Variants in RNASE11 observed in about 807,000 individuals in gnomAD.
RNASE11 encodes ribonuclease A family member 11 (inactive).
For synonymous variants in RNASE11, 105 were observed against 86.1 expected (o/e 1.22, Z -1.21); for missense variants, 252 against 237.8 (o/e 1.06, Z -0.39).
exon 2 of RNASE11, chr14:20,584,466 G>A: frequency 1.9e-6 from 3 of 1,591,186 alleles, no homozygotes; most frequent in Non-Finnish European, 1.7e-6. Flanking sequence ...GCAGAGGAAA[G>A]GTCTCCATCT....
intron 1 of RNASE11, among the ~76,000 whole-genome samples, chr14:20,586,103 A>T (rs557344634): frequency 6.6e-6 from 1 of 152,232 alleles, no homozygotes; most frequent in Non-Finnish European, 1.5e-5. Context: ...CACAGTAGGA[A>T]GTCTGATCCC....
At chr14:20,589,522 G>A (rs1413694183), upstream of RNASE11, among the ~76,000 whole-genome samples, 2 of 151,896 alleles carry the variant, frequency 1.3e-5, no homozygotes, top group South Asian at 4.2e-4. Context: ...CAAAGTGGTG[G>A]GATTACAGGC....
chr14:20,590,013 G>A, upstream of RNASE11: 1 of 556,756 alleles, frequency 1.8e-6, no homozygotes, highest in Non-Finnish European at 2.9e-6. Context: ...CTTAATCTCA[G>A]TCCTGTTTCT....
At chr14:20,584,611 A>G (rs1213587471) in intron 1 of RNASE11, 115 bp from the exon 3 acceptor site, 4 of 733,018 alleles carry the variant, frequency 5.5e-6, no homozygotes, top group Non-Finnish European at 8.4e-6. Context: ...AAATTTTTAT[A>G]TCTGTGAATG....
intron 1 of RNASE11, chr14:20,585,173 G>T: frequency 1.3e-6 from 1 of 745,794 alleles, no homozygotes; most frequent in Non-Finnish European, 1.6e-6. Flanking sequence ...AGGGTTGTAT[G>T]AGATTGACTC....
At chr14:20,587,211 A>C (rs1381538969) in intron 1 of RNASE11, among the ~76,000 whole-genome samples, 1 of 152,180 alleles carries the variant, frequency 6.6e-6, no homozygotes. Context: ...ATAGATATAG[A>C]TACACACACA....
At position 20,587,537 on chromosome 14, in the gene RNASE11, C is replaced by T. The variant is rs559597715; in HGVS notation, c.-23+26G>A. Reference sequence around the variant, plus strand: ...AAAAAATGATGCTACCAAGGCCCAACAAATCATGTGCTAGGGACCACCTAC... The same window carrying T: ...AAAAAATGATGCTACCAAGGCCCAATAAATCATGTGCTAGGGACCACCTAC... On this transcript the variant is annotated intron_variant, in intron 1 of 1. Transcript: ENST00000553849. 1.6e-4 allele frequency: 157 copies of T among 984,428 alleles called. 1 individual carries two copies. Among genetic ancestry groups the T allele is most frequent in the Non-Finnish European group, 1.7e-4 (144 of 829,078 alleles). The allele number at this position is 984,428 out of a possible 1,614,324, so 61.0% of individuals were successfully genotyped here. A position where few individuals can be genotyped will look rare whatever the true frequency, so the allele number is the denominator to read the frequency against.
In RNASE11 at chr14:20,587,558, C is replaced by G. The variant is rs1193472513; in HGVS notation, c.-23+5G>C. On this transcript the variant is annotated splice_donor_5th_base_variant and intron_variant, in intron 1 of 1. Coordinates refer to ENST00000553849, the Ensembl canonical transcript of RNASE11. ...CCAACAAATCATGTGCTAGGGACCACCTACCTGTTCCTGTTCAGTTTCTAT... is the reference window on the plus strand; with the variant it reads ...CCAACAAATCATGTGCTAGGGACCAGCTACCTGTTCCTGTTCAGTTTCTAT... 3.0e-6 allele frequency: 3 copies of G among 985,248 alleles called. No homozygotes were observed. The highest frequency in any genetic ancestry group is 2.3e-4 in the East Asian group (2 of 8,828). The allele number at this position is 985,248 out of a possible 1,614,324, so 61.0% of individuals were successfully genotyped here.
chr14:20,587,965 C>T, upstream of RNASE11: 1 of 383,928 alleles, frequency 2.6e-6, no homozygotes, highest in Non-Finnish European at 3.6e-6. Context: ...AGCCTGTGAC[C>T]CACCCATGCC....
At chr14:20,584,446 C>A in exon 2 of RNASE11, 2 of 1,606,990 alleles carry the variant, frequency 1.2e-6, no homozygotes, top group Non-Finnish European at 8.5e-7. Context: ...CAGGCCCAGG[C>A]TGAGCAGCAG....
At chr14:20,582,923 TTAGAACATTAAGAAAG>T (rs1266529437), downstream of RNASE11, 2 of 152,124 alleles carry the variant, frequency 1.3e-5, no homozygotes, top group African/African-American at 4.8e-5. Flanking sequence ...TTAGTTAAAA[TTAGAACATTAAGAAAG>T]AGTGGTCTCA....
intron 1 of RNASE11, among the ~76,000 whole-genome samples, chr14:20,586,984 TACA>T (rs924816887): frequency 6.6e-6 from 1 of 152,052 alleles, no homozygotes; most frequent in South Asian, 2.1e-4. Context: ...AATCCATCTC[TACA>T]ACAACAACAA....
exon 2 of RNASE11, chr14:20,583,848 G>C: frequency 1.9e-6 from 3 of 1,558,970 alleles, no homozygotes; most frequent in African/African-American, 1.4e-5. Flanking sequence ...TCTTTAGTAA[G>C]ACCCTAGTCC....
At position 20,583,832 on chromosome 14, in the gene RNASE11, G is replaced by A. The variant is rs199572455; in HGVS notation, c.*43C>T. 2.0e-4 allele frequency: 308 copies of A among 1,534,322 alleles called. 2 individuals are homozygous for A. The African/African-American group carries it at 3.8e-3, about 19-fold the overall frequency. On this transcript the variant is annotated 3_prime_UTR_variant, in exon 2 of 2. Transcript: ENST00000553849. ...GTTTAAACAAGAATGAACAAGAAGA[G>A]GTCCTTCTTTAGTAAGACCCTAGTC...
Position 20,587,643 on chromosome 14 carries a change from A to T in RNASE11, c.-103T>A. 1.0e-6 allele frequency: 1 copy of T among 985,398 alleles called. No individual in the cohort carries two copies. Among genetic ancestry groups the T allele is most frequent in the Non-Finnish European group, 1.2e-6 (1 of 829,910 alleles). 61.0% of individuals were successfully genotyped at this position (985,398 alleles called of 1,614,324 possible). A position where few individuals can be genotyped will look rare whatever the true frequency, so the allele number is the denominator to read the frequency against. On this transcript the variant is annotated 5_prime_UTR_variant, in exon 1 of 2. Coordinates refer to ENST00000553849, the Ensembl canonical transcript of RNASE11. ...CCAAAATTCTATGGAGACAACAATG[A>T]CAACAGAATTACCACAGAGAACTAG...
At chr14:20,589,748 G>A (rs1377491671), upstream of RNASE11, among the ~76,000 whole-genome samples, 5 of 151,986 alleles carry the variant, frequency 3.3e-5, no homozygotes, top group Admixed American at 6.6e-5. Flanking sequence ...TCAGCCGGGC[G>A]CGGTGGCACA....
chr14:20,584,110 C>A (rs376695059), exon 2 of RNASE11: 1 of 1,614,156 alleles, frequency 6.2e-7, no homozygotes, highest in Admixed American at 1.7e-5. Context: ...TGTGGAGCTG[C>A]GGATGAAGTT....
At chr14:20,583,960 T>C (rs962377901) in exon 2 of RNASE11, 9 of 1,614,156 alleles carry the variant, frequency 5.6e-6, no homozygotes, top group Non-Finnish European at 5.9e-6. Flanking sequence ...GGTAACACTA[T>C]GGTATTGGCA....
chr14:20,587,572 T>G (rs957700728), exon 1 of RNASE11: 36 of 985,242 alleles, frequency 3.7e-5, no homozygotes, highest in Non-Finnish European at 4.2e-5. Context: ...CCTGTTCCTG[T>G]TCAGTTTCTA....
Sources: allele counts gnomAD v4.1 joint callset (sites outside exome capture counted in the v4.1 genomes callset), GRCh38; gene constraint gnomAD v4.1.1; transcripts MANE v1.5; gene names NCBI Gene and HGNC (gene_info 2026-07-23, HGNC 2026-07-21).